Variants in QRFPR observed in about 807,000 individuals in gnomAD.
QRFPR encodes the protein pyroglutamylated RF-amide peptide receptor.
In QRFPR, 37 loss-of-function variants were observed where a neutral mutation model predicts 31.3. The observed-to-expected ratio is 1.18, with a 90% CI of 0.91 to 1.56. QRFPR has a LOEUF of 1.56. QRFPR is among the 40% of genes most tolerant of loss of function. The probability of loss-of-function intolerance (pLI) is 0.00; values close to 1 mark genes in which losing one functional copy is unlikely to be tolerated. For synonymous variants in QRFPR, 197 were observed against 192.0 expected (o/e 1.03, Z -0.22); for missense variants, 542 against 532.5 (o/e 1.02, Z -0.18).
intron 1 of QRFPR, among the ~76,000 whole-genome samples, chr4:121,370,998 A>C (rs1012313283): frequency 6.6e-6 from 1 of 152,326 alleles, no homozygotes; most frequent in East Asian, 1.9e-4. Flanking sequence ...ATGCCAGGCC[A>C]TGTAACTTAT....
In QRFPR at chr4:121,369,851, T is replaced by C. The variant is rs1579589992; in HGVS notation, c.340+10457A>G. Reference sequence around the variant, plus strand: ...GGACAGGGCTGATGCAGGTGGCCTCTCTTCTTTTGTTATCTCTCCACTCTG... The same window carrying C: ...GGACAGGGCTGATGCAGGTGGCCTCCCTTCTTTTGTTATCTCTCCACTCTG... On this transcript the variant is annotated intron_variant, in intron 1 of 5. Transcript: ENST00000394427. 6 of 923,340 alleles carry C rather than the reference T, an allele frequency of 6.5e-6. No homozygotes were observed. The East Asian group carries it at 1.4e-4, about 22-fold the overall frequency. The allele number at this position is 923,340 out of a possible 1,614,324, so 57.2% of individuals were successfully genotyped here.
intron 1 of QRFPR, among the ~76,000 whole-genome samples, chr4:121,348,917 G>GAAA (rs1713659420): frequency 6.6e-6 from 1 of 152,064 alleles, no homozygotes; most frequent in African/African-American, 2.4e-5. Context: ...CTAACACGGT[G>GAAA]AAAGCCCATC....
chr4:121,337,438 C>T (rs762254990), intron 2 of QRFPR, among the ~76,000 whole-genome samples: 2 of 152,170 alleles, frequency 1.3e-5, no homozygotes, highest in Admixed American at 1.3e-4. Context: ...TGCCCTTACT[C>T]ACTTCTCAAT....
chr4:121,336,948 T>C, intron 2 of QRFPR, 80 bp from the exon 3 acceptor site: 2 of 1,285,028 alleles, frequency 1.6e-6, no homozygotes, highest in Non-Finnish European at 2.3e-6. Context: ...CCCTCAAGAT[T>C]CCCTATGAGA....
chr4:121,378,532 A>T (rs1419888618), intron 1 of QRFPR, among the ~76,000 whole-genome samples: 4 of 149,780 alleles, frequency 2.7e-5, no homozygotes, highest in Non-Finnish European at 4.4e-5. Context: ...TCCTGCCTCA[A>T]CCTCCTGAGC....
chr4:121,329,331 A>C lies in QRFPR; in HGVS notation c.1279T>G (p.Leu427Val). The part of the protein sequence containing the change: ...FRSELAENSP[L>V]DSGH ...TGTTATAATTAATGCCCACTGTCTA[A>C]AGGAGAATTCTCAGCCAGTTCAGAC... Residue 427 changes from leucine (L) to valine (V), a missense_variant, in exon 6 of 6, where the codon TTA (leucine) becomes GTA (valine). Physicochemically the swap from Leu to Val is conservative, Grantham distance 32. Transcript: ENST00000394427. The C allele has an allele frequency of 6.2e-7, 1 of 1,612,742 alleles. No individual in the cohort carries two copies. Among genetic ancestry groups the C allele is most frequent in the Non-Finnish European group, 8.5e-7 (1 of 1,179,432 alleles).
chr4:121,347,681 C>T (rs1373951254), intron 1 of QRFPR, among the ~76,000 whole-genome samples: 1 of 152,128 alleles, frequency 6.6e-6, no homozygotes, highest in Non-Finnish European at 1.5e-5. Flanking sequence ...CTCTCTCCTC[C>T]TATTTTCGCA....
intron 5 of QRFPR, 76 bp downstream of exon 5, chr4:121,330,350 C>T: frequency 9.9e-7 from 1 of 1,006,320 alleles, no homozygotes; most frequent in Non-Finnish European, 1.5e-6. Flanking sequence ...AACAGCGACA[C>T]ATTTCAAAGA....
In QRFPR at chr4:121,332,973, G is replaced by A. The variant is rs1725359309; in HGVS notation, c.645C>T (p.Thr215=). Reference sequence around the variant, plus strand: ...GGAAGAGGATGACAAGGATGAAGGTGGTGTAGATCTTCTGGTGCACAGGGC... The same window carrying A: ...GGAAGAGGATGACAAGGATGAAGGTAGTGTAGATCTTCTGGTGCACAGGGC... ...WTSPVHQKIY[T]TFILVILFLL... The change falls in exon 4 of 6, where the codon ACC becomes ACT. Residue 215 remains threonine (T), a synonymous_variant. Transcript: ENST00000394427. 1.2e-6 allele frequency: 2 copies of A among 1,613,848 alleles called. No homozygotes were observed. Among genetic ancestry groups the A allele is most frequent in the Non-Finnish European group, 1.7e-6 (2 of 1,179,918 alleles).
At chr4:121,354,144 G>T (rs11733055) in intron 1 of QRFPR, among the ~76,000 whole-genome samples, 43,094 of 151,938 alleles carry the variant, frequency 0.28, 6,532 homozygotes, top group Middle Eastern at 0.38. Flanking sequence ...AGATCGTGCG[G>T]TTTTTCCACC....
At chr4:121,364,639 T>TA (rs35353604) in intron 1 of QRFPR, among the ~76,000 whole-genome samples, 64,694 of 139,250 alleles carry the variant, frequency 0.46, 17,212 homozygotes, top group East Asian at 0.79. Flanking sequence ...GACTCCATCT[T>TA]AAAAAAAAAA....
chr4:121,366,671 T>G (rs1411304746), intron 1 of QRFPR, among the ~76,000 whole-genome samples: 4 of 150,036 alleles, frequency 2.7e-5, no homozygotes, highest in Non-Finnish European at 4.4e-5. Context: ...ACCATCCAGA[T>G]GAGCCAACCT....
intron 1 of QRFPR, among the ~76,000 whole-genome samples, chr4:121,348,342 A>G (rs1164094928): frequency 6.6e-6 from 1 of 152,170 alleles, no homozygotes; most frequent in African/African-American, 2.4e-5. Context: ...TATCATCATC[A>G]TCATTTTTAC....
At chr4:121,341,590 C>T (rs554571919) in intron 1 of QRFPR, among the ~76,000 whole-genome samples, 7 of 152,264 alleles carry the variant, frequency 4.6e-5, no homozygotes, top group South Asian at 4.1e-4. Flanking sequence ...TCCGCATCTT[C>T]CCTCATGTGA....
At chr4:121,373,692 G>A (rs1475654453) in intron 1 of QRFPR, among the ~76,000 whole-genome samples, 1 of 152,144 alleles carries the variant, frequency 6.6e-6, no homozygotes, top group Non-Finnish European at 1.5e-5. Flanking sequence ...ATAATAAAAT[G>A]GGACCGAAGA....
chr4:121,372,499 C>T (rs1035638850), intron 1 of QRFPR, among the ~76,000 whole-genome samples: 5 of 152,122 alleles, frequency 3.3e-5, no homozygotes, highest in South Asian at 2.1e-4. Flanking sequence ...TTCACAGTGT[C>T]GTGCAATGAA....
rs1440128967 is a variant in QRFPR at position 121,380,435 on chromosome 4, G to A, written c.213C>T (p.Thr71=). 6.2e-7 allele frequency: 1 copy of A among 1,614,090 alleles called. No individual in the cohort carries two copies. The highest frequency in any genetic ancestry group is 2.2e-5 in the East Asian group (1 of 44,888). ...FGNALVFYVV[T]RSKAMRTVTN... ...TGACGGTGCGCATGGCCTTGCTGCG[G>A]GTCACCACGTAGAACACCAGAGCAT... Residue 71 remains threonine, a synonymous_variant, in exon 1 of 6, where the codon ACC becomes ACT. Transcript: ENST00000394427.
At chr4:121,364,913 T>C (rs885103) in intron 1 of QRFPR, among the ~76,000 whole-genome samples, 73,839 of 148,734 alleles carry the variant, frequency 0.5, 21,208 homozygotes, top group East Asian at 0.8. Context: ...GGTCTTTGTT[T>C]ACTACTGGAG....
rs1560744079 is a variant in QRFPR at position 121,365,602 on chromosome 4, A to ATT, written c.340+14705_340+14706insAA. ...TATATTATATATATTATATATATAT[A>ATT]ATATATATATTATATATATTATATA... On this transcript the variant is annotated intron_variant, in intron 1 of 5. Coordinates refer to ENST00000394427, the MANE Select transcript of QRFPR (RefSeq NM_198179.3). Among the ~76,000 whole-genome samples, 62 of 12,894 alleles carry ATT rather than the reference A, an allele frequency of 4.8e-3. 5 individuals carry two copies. The highest frequency in any genetic ancestry group is 0.025 in the African/African-American group (55 of 2,176). 8.5% of individuals were successfully genotyped at this position (12,894 alleles called of 152,430 possible).
Sources: allele counts gnomAD v4.1 joint callset (sites outside exome capture counted in the v4.1 genomes callset), GRCh38; gene constraint gnomAD v4.1.1; transcripts MANE v1.5; gene names NCBI Gene and HGNC (gene_info 2026-07-23, HGNC 2026-07-21).